The following SEPTIN10 variants were observed in gnomAD, a reference collection of about 807,000 sequenced individuals.
SEPTIN10 encodes septin-10.
In SEPTIN10, 66 loss-of-function variants were observed where a neutral mutation model predicts 54.8. The observed-to-expected ratio is 1.21, with a 90% CI of 0.99 to 1.48. SEPTIN10 has a LOEUF of 1.48. Ranked by LOEUF, SEPTIN10 falls within the 40% of genes most tolerant of loss-of-function variation. The pLI is 0.00. For missense variants in SEPTIN10, 620 were observed against 545.6 expected (o/e 1.14, Z -1.36); for synonymous variants, 161 against 181.0 (o/e 0.89, Z 0.89).
chr2:109,574,832 CT>C, intron 4 of SEPTIN10, 65 bp from the exon 5 acceptor site: 1 of 1,219,476 alleles, frequency 8.2e-7, no homozygotes, highest in Non-Finnish European at 1.1e-6. Context: ...CTGTGCAACT[CT>C]TAGAAGTTTG....
intron 8 of SEPTIN10, among the ~76,000 whole-genome samples, chr2:109,561,385 G>A (rs1053644065): frequency 6.6e-6 from 1 of 151,976 alleles, no homozygotes; most frequent in Admixed American, 6.6e-5. Context: ...CTCTCCTTTA[G>A]TGCTTATATC....
rs190520195 is a variant in SEPTIN10, at chr2:109,544,786, C to A, written c.1350-462G>T. On this transcript the variant is annotated intron_variant, in intron 10 of 10. Transcript: ENST00000397712. ...ACAGCTTTTATACTATTTATTCTTTCAAAAATAATTGCATGCCTACTATGT... is the reference window on the plus strand; with the variant it reads ...ACAGCTTTTATACTATTTATTCTTTAAAAAATAATTGCATGCCTACTATGT... 2.1e-4 allele frequency: 171 copies of A among 808,138 alleles called. 2 individuals carry two copies. In the East Asian group the frequency reaches 0.016, roughly 74 times the overall value. The allele number at this position is 808,138 out of a possible 1,614,324, so 50.1% of individuals were successfully genotyped here. A position where few individuals can be genotyped will look rare whatever the true frequency, so the allele number is the denominator to read the frequency against.
Position 109,544,297 on chromosome 2 carries a change from G to A in SEPTIN10, c.*12C>T. 2 of 1,598,006 alleles carry A rather than the reference G, an allele frequency of 1.3e-6. No homozygotes were observed. Among genetic ancestry groups the A allele is most frequent in the Non-Finnish European group, 1.7e-6 (2 of 1,175,082 alleles). On this transcript the variant is annotated 3_prime_UTR_variant, in exon 11 of 11. Transcript: ENST00000397712. ...TTGTGATGATGACCTTCTGTGCTCTGGAACTTCTGTTTTACAAAAAATTGG... is the reference window on the plus strand; with the variant it reads ...TTGTGATGATGACCTTCTGTGCTCTAGAACTTCTGTTTTACAAAAAATTGG...
intron 1 of SEPTIN10, among the ~76,000 whole-genome samples, chr2:109,609,215 G>A (rs1336925139): frequency 6.6e-6 from 1 of 152,136 alleles, no homozygotes; most frequent in Non-Finnish European, 1.5e-5. Flanking sequence ...CTGCCTGCAA[G>A]CATTTATAAT....
At chr2:109,599,448 A>G (rs148351134) in intron 1 of SEPTIN10, among the ~76,000 whole-genome samples, 3,476 of 142,190 alleles carry the variant, frequency 0.024, 49 homozygotes, top group Non-Finnish European at 0.037. Flanking sequence ...AAAGAGCAAG[A>G]CTCAGTCTCC....
Position 109,544,128 on chromosome 2 carries a change from A to G in SEPTIN10, c.*181T>C, listed in dbSNP as rs1205117447. The G allele has an allele frequency of 6.5e-7, 1 of 1,529,466 alleles. No individual in the cohort carries two copies. The highest frequency in any genetic ancestry group is 8.8e-7 in the Non-Finnish European group (1 of 1,140,932). The allele number at this position is 1,529,466 out of a possible 1,614,324, so 94.7% of individuals were successfully genotyped here. On this transcript the variant is annotated 3_prime_UTR_variant, in exon 11 of 11. Coordinates refer to ENST00000397712, the MANE Select transcript of SEPTIN10 (RefSeq NM_144710.5). ...AGATGCTCAACTTGTAGTATCATTC[A>G]CTCTGGCTTATGTATTGACCTTGTA...
Position 109,567,993 on chromosome 2 carries a change from AAAAC to A in SEPTIN10, c.601-21_601-18del, listed in dbSNP as rs1687465381. 3 of 1,554,360 alleles carry A rather than the reference AAAAC, an allele frequency of 1.9e-6. No individual in the cohort carries two copies. Among genetic ancestry groups the A allele is most frequent in the South Asian group, 1.2e-5 (1 of 82,956 alleles). On this transcript the variant is annotated intron_variant, in intron 5 of 10. Transcript: ENST00000397712. ...AATGTTTACCTATTAAGAATAAAGA[AAAAC>A]AAAATCTTACTGAGGATTTTTTTTT...
At chr2:109,577,598 T>TAAA (rs566368167) in intron 4 of SEPTIN10, among the ~76,000 whole-genome samples, 2 of 133,310 alleles carry the variant, frequency 1.5e-5, no homozygotes, top group East Asian at 2.1e-4. Context: ...CCTCAAAATT[T>TAAA]AAAAAAAAAA....
At chr2:109,562,569 A>C (rs1387284979) in intron 8 of SEPTIN10, among the ~76,000 whole-genome samples, 1 of 152,172 alleles carries the variant, frequency 6.6e-6, no homozygotes, top group Non-Finnish European at 1.5e-5. Flanking sequence ...TCATCCCTGG[A>C]AATTCTGACC....
chr2:109,546,274 C>T (rs773463720), intron 9 of SEPTIN10, 37 bp from the exon 10 acceptor site: 7 of 1,416,004 alleles, frequency 4.9e-6, no homozygotes, highest in East Asian at 2.5e-5. Flanking sequence ...ACTGACACAG[C>T]GCGGCAGCAG....
In SEPTIN10 at chr2:109,574,738, G is replaced by A. The variant is rs367885411; in HGVS notation, c.443C>T (p.Ala148Val). 59 of 1,597,554 alleles carry A rather than the reference G, an allele frequency of 3.7e-5. 1 individual carries two copies. In the African/African-American group the frequency reaches 7.3e-4, roughly 20 times the overall value. ...TTCTTGGAGATAGGCCTCAAACTGAGCATCTATGTAGTCAACTATTGGTTG... is the reference window on the plus strand; with the variant it reads ...TTCTTGGAGATAGGCCTCAAACTGAACATCTATGTAGTCAACTATTGGTTG... ...SYQPIVDYID[A>V]QFEAYLQEEL... Residue 148 changes from alanine to valine, a missense_variant, in exon 5 of 11, where the codon GCT becomes GTT. Transcript: ENST00000397712.
At chr2:109,590,133 T>A (rs895495244) in intron 2 of SEPTIN10, among the ~76,000 whole-genome samples, 1 of 151,478 alleles carries the variant, frequency 6.6e-6, no homozygotes, top group Non-Finnish European at 1.5e-5. Flanking sequence ...CACATACAGA[T>A]GTAAATATCT....
At chr2:109,571,505 T>G (rs1048365571) in intron 5 of SEPTIN10, among the ~76,000 whole-genome samples, 1 of 152,214 alleles carries the variant, frequency 6.6e-6, no homozygotes, top group African/African-American at 2.4e-5. Flanking sequence ...AGTGTGTGTA[T>G]GTAGGCAACT....
At chr2:109,612,093 C>G (rs1368326394) in intron 1 of SEPTIN10, among the ~76,000 whole-genome samples, 1 of 151,962 alleles carries the variant, frequency 6.6e-6, no homozygotes, top group African/African-American at 2.4e-5. Context: ...AGATATCCTT[C>G]AAACTGTGGC....
intron 5 of SEPTIN10, among the ~76,000 whole-genome samples, chr2:109,572,609 C>CA (rs980861558): frequency 9.0e-6 from 1 of 111,202 alleles, no homozygotes; most frequent in African/African-American, 3.8e-5. Flanking sequence ...TTTAAAACAA[C>CA]TTTTTTTTTT....
At chr2:109,561,576 T>C (rs1685664844) in intron 8 of SEPTIN10, among the ~76,000 whole-genome samples, 1 of 152,178 alleles carries the variant, frequency 6.6e-6, no homozygotes, top group African/African-American at 2.4e-5. Flanking sequence ...CCCTAACTTC[T>C]CCCTAGCTCC....
chr2:109,588,029 T>C (rs1432598625), intron 2 of SEPTIN10, among the ~76,000 whole-genome samples: 1 of 151,922 alleles, frequency 6.6e-6, no homozygotes, highest in Non-Finnish European at 1.5e-5. Context: ...AAGGCGGACA[T>C]TGCAGTGAGC....
rs375470343 is a variant in SEPTIN10 at position 109,574,655 on chromosome 2, G to C, written c.526C>G (p.Leu176Val). The C allele has an allele frequency of 5.0e-6, 8 of 1,608,628 alleles. No homozygotes were observed. The highest frequency in any genetic ancestry group is 1.7e-5 in the Admixed American group (1 of 59,178). ...TYHDSRIHVC[L>V]YFISPTGHSL... ...TGGCCTGTCGGTGAAATGAAGTAGA[G>C]ACACACATGGATGCGAGAATCATGG... The change falls in exon 5 of 11, where the codon CTC becomes GTC. Residue 176 changes from leucine to valine, a missense_variant. Transcript: ENST00000397712.
chr2:109,565,697 G>T, intron 7 of SEPTIN10, 66 bp downstream of exon 7: 1 of 1,296,308 alleles, frequency 7.7e-7, no homozygotes, highest in Non-Finnish European at 1.1e-6. Context: ...CCCAAAGAAG[G>T]CATGACAGGT....
Sources: allele counts gnomAD v4.1 joint callset (sites outside exome capture counted in the v4.1 genomes callset), GRCh38; gene constraint gnomAD v4.1.1; transcripts MANE v1.5; gene names NCBI Gene and HGNC (gene_info 2026-07-23, HGNC 2026-07-21).